The following ASTN1 variants were observed in gnomAD, a reference collection of about 807,000 sequenced individuals.
ASTN1 encodes the protein astrotactin 1.
Under a neutral mutation model 140.7 loss-of-function variants are expected in ASTN1, and 41 were observed. That is an observed-to-expected ratio of 0.29 (90% CI 0.23 to 0.38). The LOEUF (loss-of-function observed/expected upper bound fraction) is 0.38. ASTN1 is among the 10% of genes least tolerant of loss of function. ASTN1 has a pLI of 1.00. For synonymous variants in ASTN1, 640 were observed against 652.2 expected, an observed-to-expected ratio of 0.98 and a Z score of 0.29; for missense variants, 1,479 against 1,678.8, an observed-to-expected ratio of 0.88 and a Z score of 2.08.
At position 176,949,302 on chromosome 1, in the gene ASTN1, C is replaced by T. The variant is rs779839895; in HGVS notation, c.1937G>A (p.Arg646His). The T allele has an allele frequency of 2.2e-5, 35 of 1,614,092 alleles. No individual in the cohort carries two copies. Among genetic ancestry groups the T allele is most frequent in the Non-Finnish European group, 2.7e-5 (32 of 1,180,024 alleles). ...GTCGGAACAGTCCACCCCGATGTGG[C>T]GGTCATAGCAGCCAGAGCTGTCCTT... ...PMKDSSGCYDRHIGVDCSDGF... is the reference protein window; with the variant it reads ...PMKDSSGCYDHHIGVDCSDGF... Residue 646 changes from arginine (R) to histidine (H), a missense_variant, in exon 12 of 23, where the codon CGC (arginine) becomes CAC (histidine). This residue lies in a region of ASTN1 where 729 missense variants were observed against 860.4 expected (regional missense o/e 0.85). Transcript: ENST00000361833.
intron 1 of ASTN1, among the ~76,000 whole-genome samples, chr1:177,063,096 T>C (rs1174524814): frequency 6.6e-6 from 1 of 152,110 alleles, no homozygotes; most frequent in African/African-American, 2.4e-5. Flanking sequence ...CAGGCTTTGA[T>C]AGGGGAATAA....
rs558132300 is a variant in ASTN1, at chr1:177,151,257, C to CA, written c.283+13136dup. Among the ~76,000 whole-genome samples, 27 of 150,314 alleles carry CA rather than the reference C, an allele frequency of 1.8e-4. No individual in the cohort carries two copies. In the South Asian group the frequency reaches 4.2e-3, roughly 23 times the overall value. The stretch of plus-strand genomic sequence containing the variant: ...GGACTGCTATTTTTCAAAAACAAAA[C>CA]AAAAAAAAATCTATTCTCTCTTTCT... On this transcript the variant is annotated intron_variant, in intron 1 of 22. Coordinates refer to ENST00000361833, the MANE Select transcript of ASTN1 (RefSeq NM_004319.3).
chr1:177,045,503 G>A (rs1486372105), intron 2 of ASTN1, among the ~76,000 whole-genome samples: 2 of 152,126 alleles, frequency 1.3e-5, no homozygotes, highest in Non-Finnish European at 2.9e-5. Context: ...ATAGCTCTGA[G>A]GGGCACTCCC....
intron 11 of ASTN1, among the ~76,000 whole-genome samples, chr1:176,953,142 C>A (rs181840985): frequency 1.5e-3 from 235 of 152,304 alleles, no homozygotes; most frequent in South Asian, 0.011. Context: ...TCTTTGTCAT[C>A]TTTCCCCTCT....
chr1:176,932,955 T>C (rs1671269888), intron 16 of ASTN1, among the ~76,000 whole-genome samples: 4 of 152,220 alleles, frequency 2.6e-5, no homozygotes, highest in Admixed American at 6.5e-5. Flanking sequence ...ACTGGTAGTA[T>C]CTACATTTGC....
At chr1:176,907,038 T>C (rs1670036098) in intron 16 of ASTN1, among the ~76,000 whole-genome samples, 1 of 152,134 alleles carries the variant, frequency 6.6e-6, no homozygotes, top group South Asian at 2.1e-4. Context: ...AACCAGTCAA[T>C]CACTTGCCAG....
intron 8 of ASTN1, among the ~76,000 whole-genome samples, chr1:176,977,217 G>C (rs1166715254): frequency 6.6e-6 from 1 of 152,180 alleles, no homozygotes; most frequent in Admixed American, 6.5e-5. Flanking sequence ...TTTTCCCAAA[G>C]TCTTTTTCTA....
At chr1:176,936,893 C>T (rs7556084) in intron 14 of ASTN1, among the ~76,000 whole-genome samples, 8,374 of 152,170 alleles carry the variant, frequency 0.055, 736 homozygotes, top group African/African-American at 0.19. Context: ...CTCATTTGTT[C>T]GCATTTTGAT....
At chr1:176,879,907 A>G (rs1398816432) in intron 20 of ASTN1, among the ~76,000 whole-genome samples, 1 of 152,160 alleles carries the variant, frequency 6.6e-6, no homozygotes, top group Admixed American at 6.5e-5. Context: ...TTATTTCATC[A>G]TCATGGCCGG....
At chr1:176,960,336 T>C (rs898789570) in intron 9 of ASTN1, among the ~76,000 whole-genome samples, 2 of 152,196 alleles carry the variant, frequency 1.3e-5, no homozygotes, top group African/African-American at 2.4e-5. Flanking sequence ...AGGCAGCTTA[T>C]TGAACATAGA....
rs76562315 is a variant in ASTN1 at position 177,097,956 on chromosome 1, C to T, written c.284-36691G>A. 4.5e-3 allele frequency among the ~76,000 whole-genome samples: 678 copies of T among 152,254 alleles called. 4 individuals are homozygous for T. The highest frequency in any genetic ancestry group is 0.016 in the African/African-American group (661 of 41,538). ...AGGTCATGGAAGCACCTCACATCTT[C>T]CCCCACCCCATACCCTTCCATATCT... On this transcript the variant is annotated intron_variant, in intron 1 of 22. Transcript: ENST00000361833.
At position 177,092,525 on chromosome 1, in the gene ASTN1, TTTTC is replaced by T. The variant is rs566735002; in HGVS notation, c.284-31264_284-31261del. On this transcript the variant is annotated intron_variant, in intron 1 of 22. Coordinates refer to ENST00000361833, the MANE Select transcript of ASTN1 (RefSeq NM_004319.3). ...CTTTGACGAAGTCAAATTTACCTAG[TTTTC>T]TTTTGTCGCTTTTGCTTTTGGTGTC... is the stretch of plus-strand genomic sequence containing the variant. Among the ~76,000 whole-genome samples the T allele has an allele frequency of 1.0e-3, 159 of 152,308 alleles. 1 individual carries two copies. The highest frequency in any genetic ancestry group is 2.1e-3 in the South Asian group (10 of 4,828).
At chr1:176,936,501 G>T in intron 14 of ASTN1, 131 bp from the exon 15 acceptor site, 1 of 703,418 alleles carries the variant, frequency 1.4e-6, no homozygotes. Context: ...TTGATGAAGA[G>T]AATTTCTGGA....
chr1:177,149,610 G>GTAAATATATATACACTGTATATATATAA, intron 1 of ASTN1, among the ~76,000 whole-genome samples: 1 of 85,684 alleles, frequency 1.2e-5, no homozygotes, highest in Non-Finnish European at 1.9e-5. Context: ...TATATATATA[G>GTAAATATATATACACTGTATATATATAA]TAAATATATA....
chr1:177,111,908 C>T (rs1490937323), intron 1 of ASTN1, among the ~76,000 whole-genome samples: 2 of 152,140 alleles, frequency 1.3e-5, no homozygotes, highest in Admixed American at 1.3e-4. Context: ...CCACAGGGGT[C>T]GGCAACACTG....
intron 16 of ASTN1, among the ~76,000 whole-genome samples, chr1:176,912,909 C>T (rs1383684014): frequency 2.0e-5 from 3 of 152,182 alleles, no homozygotes; most frequent in Non-Finnish European, 4.4e-5. Flanking sequence ...ATAAGCTCTA[C>T]TTTTCAGAAT....
intron 16 of ASTN1, among the ~76,000 whole-genome samples, chr1:176,929,987 A>G (rs951230749): frequency 5.3e-5 from 8 of 152,154 alleles, no homozygotes; most frequent in Non-Finnish European, 1.2e-4. Flanking sequence ...CAGCCTGGGC[A>G]ACAGAGCAAG....
intron 2 of ASTN1, among the ~76,000 whole-genome samples, chr1:177,052,936 A>T (rs151318188): frequency 6.6e-6 from 1 of 152,220 alleles, no homozygotes; most frequent in Non-Finnish European, 1.5e-5. Context: ...CTTACAGCCT[A>T]TGTGACTTTG....
chr1:177,048,242 C>G (rs563942042), intron 2 of ASTN1, among the ~76,000 whole-genome samples: 1 of 152,288 alleles, frequency 6.6e-6, no homozygotes, highest in South Asian at 2.1e-4. Flanking sequence ...ACGAGCCTCT[C>G]CCTCCTAATG....
Sources: gnomAD v4.1 joint callset for allele counts (sites outside exome capture counted in the v4.1 genomes callset) on GRCh38, gnomAD v4.1.1 for gene constraint, gnomAD v4.1.1 regional missense constraint, MANE v1.5 for transcripts, NCBI Gene and HGNC (gene_info 2026-07-23, HGNC 2026-07-21) for gene names.